GABRB1: variants seen among roughly 807,000 people sequenced by gnomAD.
The protein encoded by GABRB1 is gamma-aminobutyric acid receptor subunit beta-1.
A neutral mutation model predicts 51.6 loss-of-function variants in GABRB1; 17 were observed. The observed-to-expected ratio is 0.33, with a 90% CI of 0.23 to 0.49. The LOEUF (loss-of-function observed/expected upper bound fraction) is 0.49, where lower values mean the gene tolerates loss of function less well. Ranked by LOEUF, GABRB1 falls within the 20% of genes least tolerant of loss-of-function variation. The pLI is 0.99. For missense variants in GABRB1, 410 were observed against 600.6 expected (o/e 0.68, Z 3.32); for synonymous variants, 247 against 218.9 (o/e 1.13, Z -1.14).
rs1486654845 is a variant in GABRB1 at position 47,109,096 on chromosome 4, G to C, written c.241-52153G>C. Among the ~76,000 whole-genome samples the C allele has an allele frequency of 7.2e-5, 11 of 152,168 alleles. No individual in the cohort carries two copies. The South Asian group carries it at 1.9e-3, about 26-fold the overall frequency. On this transcript the variant is annotated intron_variant, in intron 3 of 8. Coordinates refer to ENST00000295454, the MANE Select transcript of GABRB1 (RefSeq NM_000812.4). ...TACAAGTCTGATATGTTTTGGGTAGGATATGGGATATTACTAATATTTTTA... is the reference window on the plus strand; with the variant it reads ...TACAAGTCTGATATGTTTTGGGTAGCATATGGGATATTACTAATATTTTTA...
chr4:47,162,785 C>T (rs1027031824), intron 4 of GABRB1, among the ~76,000 whole-genome samples: 2 of 152,084 alleles, frequency 1.3e-5, no homozygotes, highest in African/African-American at 2.4e-5. Context: ...AGGTTGTGCA[C>T]CACTGCTTTA....
At position 47,040,940 on chromosome 4, in the gene GABRB1, G is replaced by A. The variant is rs1249391475; in HGVS notation, c.240+8456G>A. The stretch of plus-strand genomic sequence containing the variant: ...GTGATCTTTGTGTTCTGTTTTAGAT[G>A]CCTTTATAAAACCTTATAGGTAGGG... On this transcript the variant is annotated intron_variant, in intron 3 of 8. Coordinates refer to ENST00000295454, the MANE Select transcript of GABRB1 (RefSeq NM_000812.4). Among the ~76,000 whole-genome samples, 4 of 152,244 alleles carry A rather than the reference G, an allele frequency of 2.6e-5. No homozygotes were observed. The East Asian group carries it at 7.7e-4, about 29-fold the overall frequency.
chr4:47,306,176 G>C (rs1195187769), intron 4 of GABRB1, among the ~76,000 whole-genome samples: 1 of 151,206 alleles, frequency 6.6e-6, no homozygotes, highest in African/African-American at 2.4e-5. Context: ...ACAAAAGATG[G>C]AATGTAACAA....
At chr4:47,420,826 G>A (rs1729069469) in intron 8 of GABRB1, among the ~76,000 whole-genome samples, 1 of 152,138 alleles carries the variant, frequency 6.6e-6, no homozygotes, top group Non-Finnish European at 1.5e-5. Flanking sequence ...GAAACTTGTG[G>A]ATGTCAGCAG....
intron 4 of GABRB1, among the ~76,000 whole-genome samples, chr4:47,315,160 A>G (rs971534709): frequency 6.6e-6 from 1 of 152,106 alleles, no homozygotes; most frequent in Non-Finnish European, 1.5e-5. Context: ...TTTAATATCC[A>G]GAATATATAA....
chr4:47,342,690 A>G (rs1725947202), intron 5 of GABRB1, among the ~76,000 whole-genome samples: 1 of 152,180 alleles, frequency 6.6e-6, no homozygotes, highest in Non-Finnish European at 1.5e-5. Flanking sequence ...ATTCAGAAAG[A>G]GGGCCCTGAA....
At chr4:47,150,591 G>A (rs1220899840) in intron 3 of GABRB1, among the ~76,000 whole-genome samples, 2 of 148,136 alleles carry the variant, frequency 1.4e-5, no homozygotes, top group African/African-American at 5.0e-5. Flanking sequence ...AGAAAGGAAA[G>A]ATTACAGAAA....
At chr4:47,035,713 T>C (rs1316131922) in intron 3 of GABRB1, among the ~76,000 whole-genome samples, 1 of 152,090 alleles carries the variant, frequency 6.6e-6, no homozygotes, top group African/African-American at 2.4e-5. Context: ...TTGGAGTAAA[T>C]GGAGACAAGA....
At chr4:47,210,061 A>G (rs1720296140) in intron 4 of GABRB1, among the ~76,000 whole-genome samples, 1 of 152,142 alleles carries the variant, frequency 6.6e-6, no homozygotes, top group East Asian at 1.9e-4. Flanking sequence ...TTCCAGTTCC[A>G]AAGTGCTCTC....
rs1191898118 is a variant in GABRB1 at position 47,032,803 on chromosome 4, G to A, written c.240+319G>A. ...GTTTCCCTGCGTGTTTGGATGAGGA[G>A]GGCACCATCTGCTGGCAGCCGGGCG... On this transcript the variant is annotated intron_variant, in intron 3 of 8. Transcript: ENST00000295454. 1.3e-5 allele frequency: 7 copies of A among 545,334 alleles called. No homozygotes were observed. In the African/African-American group the frequency reaches 1.3e-4, roughly 10 times the overall value. 33.8% of individuals were successfully genotyped at this position (545,334 alleles called of 1,614,324 possible). A position where few individuals can be genotyped will look rare whatever the true frequency, so the allele number is the denominator to read the frequency against.
chr4:47,131,251 C>T (rs1465078345), intron 3 of GABRB1, among the ~76,000 whole-genome samples: 2 of 152,008 alleles, frequency 1.3e-5, no homozygotes, highest in East Asian at 3.9e-4. Context: ...CCTCTGCCTC[C>T]AAATTCAAGC....
At chr4:47,035,736 T>C (rs1382780967) in intron 3 of GABRB1, among the ~76,000 whole-genome samples, 1 of 152,132 alleles carries the variant, frequency 6.6e-6, no homozygotes, top group Admixed American at 6.5e-5. Flanking sequence ...TCCCAGAAAT[T>C]GTCCTTAACA....
upstream of GABRB1, among the ~76,000 whole-genome samples, chr4:47,028,419 G>A (rs1469719360): frequency 3.3e-5 from 5 of 151,616 alleles, no homozygotes; most frequent in Non-Finnish European, 7.4e-5. Flanking sequence ...GAGATTCTTT[G>A]GTGAAATGCT....
At chr4:47,385,482 A>G (rs1199486282) in intron 5 of GABRB1, among the ~76,000 whole-genome samples, 7 of 152,218 alleles carry the variant, frequency 4.6e-5, no homozygotes, top group Admixed American at 3.9e-4. Flanking sequence ...TCAAGACTGT[A>G]AAAGATTTGA....
At chr4:47,178,938 G>C (rs1394776191) in intron 4 of GABRB1, among the ~76,000 whole-genome samples, 1 of 152,004 alleles carries the variant, frequency 6.6e-6, no homozygotes, top group East Asian at 1.9e-4. Flanking sequence ...TAACATGTTA[G>C]TACAGCATGG....
intron 4 of GABRB1, among the ~76,000 whole-genome samples, chr4:47,293,299 G>T (rs1246787237): frequency 2.6e-5 from 4 of 152,072 alleles, no homozygotes; most frequent in Non-Finnish European, 5.9e-5. Flanking sequence ...GTGCCATAAT[G>T]CTTGGCTAAT....
At chr4:47,351,304 TG>T (rs1241197964) in intron 5 of GABRB1, among the ~76,000 whole-genome samples, 9 of 152,204 alleles carry the variant, frequency 5.9e-5, no homozygotes, top group Admixed American at 2.0e-4. Context: ...TTAGGCCAAG[TG>T]TGTCTATAAT....
intron 1 of GABRB1, among the ~76,000 whole-genome samples, chr4:47,023,607 G>T (rs532813480): frequency 1.3e-5 from 2 of 151,824 alleles, no homozygotes; most frequent in African/African-American, 4.8e-5. Flanking sequence ...AAGTATAAAA[G>T]AAGAAAAAAT....
chr4:47,347,336 T>C (rs535413416), intron 5 of GABRB1, among the ~76,000 whole-genome samples: 1 of 152,016 alleles, frequency 6.6e-6, no homozygotes, highest in African/African-American at 2.4e-5. Context: ...GCCATGTATT[T>C]CCCCCAAATG....
Sources: gnomAD v4.1 joint callset for allele counts (sites outside exome capture counted in the v4.1 genomes callset) on GRCh38, gnomAD v4.1.1 for gene constraint, MANE v1.5 for transcripts, NCBI Gene and HGNC (gene_info 2026-07-23, HGNC 2026-07-21) for gene names.